The following AGBL4 variants were observed in gnomAD, a reference collection of about 807,000 sequenced individuals.
The protein encoded by AGBL4 is AGBL carboxypeptidase 4.
Under a neutral mutation model 66.4 loss-of-function variants are expected in AGBL4, and 58 were observed. The ratio of observed to expected loss-of-function variants is 0.87; its 90% CI spans 0.71 to 1.09. The LOEUF is 1.09. AGBL4 is among the 50% of genes least tolerant of loss of function. The pLI, the probability that AGBL4 is intolerant of heterozygous loss-of-function variation, is 0.00. For missense variants in AGBL4, 579 were observed against 631.0 expected, an observed-to-expected ratio of 0.92 and a Z score of 0.88; for synonymous variants, 234 against 222.9, an observed-to-expected ratio of 1.05 and a Z score of -0.44.
chr1:49,039,234 C>T (rs935784473), intron 5 of AGBL4, among the ~76,000 whole-genome samples: 19 of 151,968 alleles, frequency 1.3e-4, no homozygotes, highest in Admixed American at 1.1e-3. Flanking sequence ...AACAATGAAA[C>T]TAATCTGTAT....
Position 49,045,190 on chromosome 1 carries a change from T to C in AGBL4, c.594+394A>G, listed in dbSNP as rs866949936. Among the ~76,000 whole-genome samples, 10 of 152,308 alleles carry C rather than the reference T, an allele frequency of 6.6e-5. No homozygotes were observed. In the South Asian group the frequency reaches 1.9e-3, roughly 28 times the overall value. On this transcript the variant is annotated intron_variant, in intron 5 of 13. Coordinates refer to ENST00000371839, the MANE Select transcript of AGBL4 (RefSeq NM_032785.4). ...GGTTCACTAAGAAATGTATTCTTCC[T>C]ATCAGAGGCTCACAGTAATAAAATG...
chr1:49,177,893 A>G (rs918824665), intron 4 of AGBL4, among the ~76,000 whole-genome samples: 7 of 152,106 alleles, frequency 4.6e-5, no homozygotes, highest in Non-Finnish European at 1.0e-4. Flanking sequence ...TGGAATACCA[A>G]TTTTCCTGAA....
At chr1:48,785,440 C>T (rs1448832403) in intron 6 of AGBL4, among the ~76,000 whole-genome samples, 3 of 152,148 alleles carry the variant, frequency 2.0e-5, no homozygotes, top group African/African-American at 7.2e-5. Flanking sequence ...CCCTCTAAGT[C>T]TCATTTTCCT....
At chr1:49,332,422 G>A (rs967728047) in intron 3 of AGBL4, among the ~76,000 whole-genome samples, 1 of 152,144 alleles carries the variant, frequency 6.6e-6, no homozygotes, top group Non-Finnish European at 1.5e-5. Flanking sequence ...TCAAGGAGCA[G>A]AAACCCACAA....
At position 49,513,768 on chromosome 1, in the gene AGBL4, G is replaced by T. The variant is rs1286508317; in HGVS notation, c.282+183545C>A. On this transcript the variant is annotated intron_variant, in intron 3 of 13. Transcript: ENST00000371839. ...GTTACTATAAATGACTATTTCAATT[G>T]CTTTTCAACTTTTCTTGCTGCGCTG... is the stretch of plus-strand genomic sequence containing the variant. Among the ~76,000 whole-genome samples, 4 of 151,878 alleles carry T rather than the reference G, an allele frequency of 2.6e-5. 1 individual carries two copies. The highest frequency in any genetic ancestry group is 5.9e-5 in the Non-Finnish European group (4 of 67,920).
intron 3 of AGBL4, among the ~76,000 whole-genome samples, chr1:49,299,147 A>G (rs1644698424): frequency 1.3e-5 from 2 of 152,320 alleles, no homozygotes; most frequent in Admixed American, 6.5e-5. Context: ...TCACAGTTGA[A>G]AAAAAAGGCT....
chr1:49,414,593 C>T (rs926069612), intron 3 of AGBL4, among the ~76,000 whole-genome samples: 3 of 152,068 alleles, frequency 2.0e-5, no homozygotes, highest in Non-Finnish European at 2.9e-5. Context: ...TATGGCAAAG[C>T]GAGGTTAATG....
intron 3 of AGBL4, among the ~76,000 whole-genome samples, chr1:49,443,638 C>A (rs1037096487): frequency 2.6e-5 from 4 of 151,976 alleles, no homozygotes; most frequent in Admixed American, 6.5e-5. Flanking sequence ...TATTTTTATA[C>A]TAATACCACG....
intron 4 of AGBL4, among the ~76,000 whole-genome samples, chr1:49,199,128 T>C (rs980750694): frequency 6.6e-6 from 1 of 152,194 alleles, no homozygotes; most frequent in African/African-American, 2.4e-5. Flanking sequence ...TGTCATCATA[T>C]TTAATCCTTA....
intron 5 of AGBL4, among the ~76,000 whole-genome samples, chr1:48,920,002 G>C (rs1398633776): frequency 6.6e-6 from 1 of 152,184 alleles, no homozygotes; most frequent in South Asian, 2.1e-4. Flanking sequence ...GCTAGAAAAA[G>C]GATGGGGTAT....
intron 2 of AGBL4, among the ~76,000 whole-genome samples, chr1:49,740,862 C>A (rs138057459): frequency 6.6e-6 from 1 of 152,096 alleles, no homozygotes; most frequent in East Asian, 1.9e-4. Context: ...TGAGAACAAA[C>A]ACACAACATA....
intron 6 of AGBL4, among the ~76,000 whole-genome samples, chr1:48,805,794 C>T (rs1263641981): frequency 1.3e-5 from 2 of 152,216 alleles, no homozygotes; most frequent in Admixed American, 1.3e-4. Flanking sequence ...GACCCCCTCT[C>T]TCAGCCTGTT....
intron 5 of AGBL4, among the ~76,000 whole-genome samples, chr1:49,019,192 A>G (rs923059250): frequency 6.6e-6 from 1 of 152,182 alleles, no homozygotes; most frequent in Admixed American, 6.5e-5. Context: ...GATGCTGTGG[A>G]AAAACTCTGC....
At chr1:48,586,667 TCC>T in intron 11 of AGBL4, 1 of 277,240 alleles carries the variant, frequency 3.6e-6, no homozygotes, top group Non-Finnish European at 7.0e-6. Flanking sequence ...GGGATGGTCA[TCC>T]AGCCTGTGGA....
intron 1 of AGBL4, among the ~76,000 whole-genome samples, chr1:49,877,539 T>G (rs1170219941): frequency 6.6e-6 from 1 of 151,540 alleles, no homozygotes; most frequent in African/African-American, 2.4e-5. Flanking sequence ...AGCTTTTTGA[T>G]GGGCTGCTGG....
chr1:49,207,561 T>TCTTTC (rs1648306913), intron 4 of AGBL4, among the ~76,000 whole-genome samples: 1 of 137,420 alleles, frequency 7.3e-6, no homozygotes, highest in African/African-American at 2.8e-5. Context: ...TTTCTTTCTT[T>TCTTTC]CTTTCTTTCT....
At chr1:49,852,551 A>G (rs1325710595) in intron 1 of AGBL4, among the ~76,000 whole-genome samples, 1 of 152,052 alleles carries the variant, frequency 6.6e-6, no homozygotes, top group Non-Finnish European at 1.5e-5. Flanking sequence ...GACTTCTGTA[A>G]TAGGAAAGGC....
At position 48,566,820 on chromosome 1, in the gene AGBL4, G is replaced by A. The variant is rs938839606; in HGVS notation, c.1267+20184C>T. On this transcript the variant is annotated intron_variant, in intron 11 of 13. Coordinates refer to ENST00000371839, the MANE Select transcript of AGBL4 (RefSeq NM_032785.4). ...CCTGGTCTCCAGGCTGCCAGCCCAC[G>A]CTTGCAAACTGCCAAAATTGCATGA... is the stretch of plus-strand genomic sequence containing the variant. Among the ~76,000 whole-genome samples the A allele has an allele frequency of 7.2e-5, 11 of 152,232 alleles. No individual in the cohort carries two copies. The South Asian group carries it at 2.1e-3, about 29-fold the overall frequency.
chr1:49,261,940 T>C (rs1235325654), intron 3 of AGBL4, among the ~76,000 whole-genome samples: 2 of 150,510 alleles, frequency 1.3e-5, no homozygotes, highest in Non-Finnish European at 3.0e-5. Context: ...CAAAACAGCA[T>C]GGTACTGGTA....
Sources: gnomAD v4.1 joint callset for allele counts (sites outside exome capture counted in the v4.1 genomes callset) on GRCh38, gnomAD v4.1.1 for gene constraint, MANE v1.5 for transcripts, NCBI Gene and HGNC (gene_info 2026-07-23, HGNC 2026-07-21) for gene names.